Variants in MYCBP2 observed in about 807,000 individuals in gnomAD.
MYCBP2 encodes MYC binding protein 2.
MYCBP2 carries 120 observed loss-of-function variants against 525.3 expected under a neutral mutation model. The ratio of observed to expected loss-of-function variants is 0.23; its 90% CI spans 0.20 to 0.27. The LOEUF is 0.27. Among genes scored for constraint, MYCBP2 ranks in the 10% least tolerant of loss-of-function variants. MYCBP2 has a pLI of 1.00. For synonymous variants in MYCBP2, 1,894 were observed against 1,955.8 expected (o/e 0.97, Z 0.83); for missense variants, 4,149 against 5,657.1 (o/e 0.73, Z 8.55).
At chr13:77,286,019 T>C (rs1037769779) in intron 3 of MYCBP2, among the ~76,000 whole-genome samples, 15 of 152,130 alleles carry the variant, frequency 9.9e-5, no homozygotes, top group African/African-American at 3.6e-4. Flanking sequence ...AAAAAGGACA[T>C]GTGAAGATGG....
intron 1 of MYCBP2, among the ~76,000 whole-genome samples, chr13:77,304,261 G>A (rs2079131266): frequency 1.3e-5 from 2 of 152,126 alleles, no homozygotes; most frequent in Admixed American, 6.5e-5. Flanking sequence ...TAAAGAAAAT[G>A]TGATATATAT....
chr13:77,142,825 G>A (rs1171090960), intron 49 of MYCBP2, among the ~76,000 whole-genome samples: 1 of 152,166 alleles, frequency 6.6e-6, no homozygotes, highest in African/African-American at 2.4e-5. Context: ...AGTGCTCACT[G>A]GAGCATTCTG....
chr13:77,212,550 A>T (rs554101405), intron 21 of MYCBP2, among the ~76,000 whole-genome samples: 1 of 152,354 alleles, frequency 6.6e-6, no homozygotes, highest in African/African-American at 2.4e-5. Context: ...GTAAGTTGAT[A>T]GTATAAAAGA....
chr13:77,235,539 C>A (rs950947212), intron 17 of MYCBP2, among the ~76,000 whole-genome samples: 2 of 151,904 alleles, frequency 1.3e-5, no homozygotes, highest in Non-Finnish European at 2.9e-5. Flanking sequence ...TAATTAAAAC[C>A]TTTTTATACC....
At chr13:77,196,630 T>TC (rs2154263615) in intron 26 of MYCBP2, among the ~76,000 whole-genome samples, 1 of 152,286 alleles carries the variant, frequency 6.6e-6, no homozygotes, top group Admixed American at 6.5e-5. Context: ...CAAGGATGAC[T>TC]CCAAGATTTT....
At chr13:77,182,874 G>A (rs1446179593) in intron 32 of MYCBP2, among the ~76,000 whole-genome samples, 1 of 152,216 alleles carries the variant, frequency 6.6e-6, no homozygotes, top group Non-Finnish European at 1.5e-5. Flanking sequence ...TCACCAGTAA[G>A]TGGGATGTTG....
intron 43 of MYCBP2, among the ~76,000 whole-genome samples, chr13:77,163,233 T>C (rs763112978): frequency 6.6e-6 from 1 of 152,306 alleles, no homozygotes. Context: ...AAATTTTCTA[T>C]GTCAAAAAGT....
At chr13:77,238,806 T>C (rs900076454) in intron 17 of MYCBP2, among the ~76,000 whole-genome samples, 4 of 152,196 alleles carry the variant, frequency 2.6e-5, no homozygotes, top group Non-Finnish European at 5.9e-5. Flanking sequence ...TCAATAGGCC[T>C]GAAGCTGTCT....
At chr13:77,173,702 C>T (rs148595891) in intron 37 of MYCBP2, among the ~76,000 whole-genome samples, 41 of 152,266 alleles carry the variant, frequency 2.7e-4, no homozygotes, top group African/African-American at 9.1e-4. Context: ...CTACCTAAGA[C>T]GCCAGCTTTG....
At chr13:77,108,699 T>C (rs1333279693) in intron 55 of MYCBP2, among the ~76,000 whole-genome samples, 4 of 151,106 alleles carry the variant, frequency 2.6e-5, no homozygotes, top group South Asian at 2.1e-4. Flanking sequence ...TAGGATAAGA[T>C]ACTTTATTTT....
intron 15 of MYCBP2, among the ~76,000 whole-genome samples, chr13:77,248,913 A>G (rs1198563629): frequency 6.6e-6 from 1 of 152,218 alleles, no homozygotes; most frequent in Non-Finnish European, 1.5e-5. Context: ...ATATACATAC[A>G]ATAGAATATT....
At chr13:77,115,606 A>G (rs1040471636) in intron 55 of MYCBP2, among the ~76,000 whole-genome samples, 1 of 151,868 alleles carries the variant, frequency 6.6e-6, no homozygotes, top group African/African-American at 2.4e-5. Context: ...CTGATTCTAA[A>G]GAAAAGGTAT....
intron 43 of MYCBP2, among the ~76,000 whole-genome samples, chr13:77,163,703 C>T (rs868491661): frequency 8.5e-5 from 13 of 152,144 alleles, no homozygotes; most frequent in Middle Eastern, 3.4e-3. Flanking sequence ...TCAAATGGAC[C>T]GCCCTTCCTT....
intron 17 of MYCBP2, among the ~76,000 whole-genome samples, chr13:77,239,314 C>A (rs920900571): frequency 2.6e-5 from 4 of 152,114 alleles, no homozygotes; most frequent in African/African-American, 9.7e-5. Context: ...TTTTTAGTTT[C>A]TAAAAAGTAT....
rs761061873 is a variant in MYCBP2 at position 77,206,642 on chromosome 13, C to T, written c.3589+11G>A. The T allele has an allele frequency of 1.4e-5, 21 of 1,551,514 alleles. No homozygotes were observed. The South Asian group carries it at 2.0e-4, about 15-fold the overall frequency. ...AATGTGAATTAATGGTACATCAAAT[C>T]GCAACCCTACCTAAAATGTGCAAAG... On this transcript the variant is annotated intron_variant, in intron 24 of 82. Transcript: ENST00000544440.
rs577674312 is a variant in MYCBP2, at chr13:77,295,452, G to A, written c.378+1147C>T. Among the ~76,000 whole-genome samples the A allele has an allele frequency of 3.7e-4, 56 of 152,070 alleles. 1 individual carries two copies. The highest frequency in any genetic ancestry group is 1.1e-3 in the African/African-American group (46 of 41,500). On this transcript the variant is annotated intron_variant, in intron 2 of 82. Transcript: ENST00000544440. Reference sequence around the variant, plus strand: ...CAGCCAATGATATCATTTCATCCCCGGATCCATCTGTGTCTCAAGATAGAG... The same window carrying A: ...CAGCCAATGATATCATTTCATCCCCAGATCCATCTGTGTCTCAAGATAGAG...
intron 52 of MYCBP2, among the ~76,000 whole-genome samples, chr13:77,135,949 C>T (rs1594821293): frequency 6.6e-6 from 1 of 151,926 alleles, no homozygotes; most frequent in East Asian, 1.9e-4. Context: ...CAATTCTCTG[C>T]CTCAGCCTCC....
At chr13:77,187,734 A>G (rs9574011) in intron 30 of MYCBP2, among the ~76,000 whole-genome samples, 2 of 152,096 alleles carry the variant, frequency 1.3e-5, no homozygotes, top group African/African-American at 2.4e-5. Context: ...CGTACTAATA[A>G]GTTTTTTTGC....
chr13:77,218,942 G>C (rs889230746), intron 20 of MYCBP2, among the ~76,000 whole-genome samples: 4 of 152,210 alleles, frequency 2.6e-5, no homozygotes, highest in Non-Finnish European at 5.9e-5. Flanking sequence ...GAGTGAAAGA[G>C]ATGGTGACTT....
Sources: gnomAD v4.1 joint callset for allele counts (sites outside exome capture counted in the v4.1 genomes callset) on GRCh38, gnomAD v4.1.1 for gene constraint, MANE v1.5 for transcripts, NCBI Gene and HGNC (gene_info 2026-07-23, HGNC 2026-07-21) for gene names.